Variants in PEX11G observed in about 807,000 individuals in gnomAD.
PEX11G encodes peroxisomal biogenesis factor 11 gamma.
A neutral mutation model predicts 22.5 loss-of-function variants in PEX11G; 20 were observed. The observed-to-expected ratio is 0.89, with a 90% CI of 0.62 to 1.29. The LOEUF is 1.29. Among genes scored for constraint, PEX11G ranks in the 50% most tolerant of loss-of-function variants. The probability of loss-of-function intolerance (pLI) is 0.00; values close to 1 mark genes in which losing one functional copy is unlikely to be tolerated. For synonymous variants in PEX11G, 141 were observed against 154.5 expected, an observed-to-expected ratio of 0.91 and a Z score of 0.65; for missense variants, 347 against 331.3, an observed-to-expected ratio of 1.05 and a Z score of -0.37.
chr19:7,477,681 G>C (rs904755588), intron 4 of PEX11G, among the ~76,000 whole-genome samples: 2 of 152,150 alleles, frequency 1.3e-5, no homozygotes, highest in African/African-American at 4.8e-5. Flanking sequence ...TCCTCGTCCT[G>C]AACACCCAGA....
At chr19:7,485,199 C>T (rs2021586382) in intron 2 of PEX11G, among the ~76,000 whole-genome samples, 2 of 152,138 alleles carry the variant, frequency 1.3e-5, no homozygotes, top group Non-Finnish European at 2.9e-5. Flanking sequence ...GATGGAGTCT[C>T]GCTCCATTGC....
chr19:7,490,800 C>T (rs1568385452), upstream of PEX11G, among the ~76,000 whole-genome samples: 1 of 151,066 alleles, frequency 6.6e-6, no homozygotes, highest in Non-Finnish European at 1.5e-5. Flanking sequence ...GTAGCTTGAC[C>T]AACTACCCAC....
intron 1 of PEX11G, 102 bp downstream of exon 1, chr19:7,488,849 C>T: frequency 1.6e-6 from 2 of 1,223,468 alleles, no homozygotes; most frequent in Non-Finnish European, 1.2e-6. Flanking sequence ...GCCTCTGCGA[C>T]GGAGTATCCT....
In PEX11G at chr19:7,478,319, G is replaced by T. The variant is rs1456999505; in HGVS notation, c.486C>A (p.Phe162Leu). ...RQRLRSPTAP[F>L]TSPLPRGKRR... ...GGGTGATCACGGGCTCCTACCTGGT[G>T]AAGGGCGCCGTGGGGCTCCGCAGCC... Residue 162 changes from phenylalanine (F) to leucine (L), a missense_variant, in exon 4 of 5, where the codon TTC becomes TTA. Transcript: ENST00000221480. The T allele has an allele frequency of 6.2e-7, 1 of 1,611,016 alleles. No individual in the cohort carries two copies. The highest frequency in any genetic ancestry group is 8.5e-7 in the Non-Finnish European group (1 of 1,179,538).
At chr19:7,485,228 G>A (rs1215606191) in intron 2 of PEX11G, among the ~76,000 whole-genome samples, 1 of 152,182 alleles carries the variant, frequency 6.6e-6, no homozygotes, top group East Asian at 1.9e-4. Flanking sequence ...CCAGTGCAGT[G>A]GCACAATTCT....
rs1486713392 is a variant in PEX11G at position 7,476,970 on chromosome 19, C to T, written c.*232G>A. On this transcript the variant is annotated 3_prime_UTR_variant, in exon 5 of 5. Transcript: ENST00000221480. Reference sequence around the variant, plus strand: ...TCTTGATTTGGATACAAGACGCCAGCTGGCAGGCAGGAGGTGCTGCTGAAG... The same window carrying T: ...TCTTGATTTGGATACAAGACGCCAGTTGGCAGGCAGGAGGTGCTGCTGAAG... 4.8e-6 allele frequency: 2 copies of T among 413,118 alleles called. No homozygotes were observed. Among genetic ancestry groups the T allele is most frequent in the Admixed American group, 4.2e-5 (1 of 23,618 alleles). 25.6% of individuals were successfully genotyped at this position (413,118 alleles called of 1,614,324 possible). A position where few individuals can be genotyped will look rare whatever the true frequency, so the allele number is the denominator to read the frequency against.
chr19:7,494,209 G>A (rs1047271943), intron 1 of PEX11G, among the ~76,000 whole-genome samples: 3 of 152,066 alleles, frequency 2.0e-5, no homozygotes, highest in South Asian at 2.1e-4. Context: ...GCCCAGCCAC[G>A]GGGTCACTGT....
At chr19:7,484,084 G>A (rs978870348) in intron 2 of PEX11G, among the ~76,000 whole-genome samples, 2 of 152,194 alleles carry the variant, frequency 1.3e-5, no homozygotes, top group African/African-American at 4.8e-5. Flanking sequence ...GGCCAGGCGC[G>A]GTGGCTCACG....
Position 7,487,291 on chromosome 19 carries a change from A to G in PEX11G, c.61-1265T>C, listed in dbSNP as rs78099080. Among the ~76,000 whole-genome samples, 109 of 152,312 alleles carry G rather than the reference A, an allele frequency of 7.2e-4. 2 individuals carry two copies. The Middle Eastern group carries it at 0.01, about 14-fold the overall frequency. ...TACCTGCCTGGACCAAAGCCTTTGG[A>G]TGTGCTGAATGGTGGGCACAGGTGA... On this transcript the variant is annotated intron_variant, in intron 1 of 4. Transcript: ENST00000221480.
At chr19:7,489,117 G>T, upstream of PEX11G, 1 of 1,310,424 alleles carries the variant, frequency 7.6e-7, no homozygotes, top group Non-Finnish European at 9.9e-7. Context: ...GCGGCCGCAG[G>T]CCTTTGTCCC....
chr19:7,489,234 T>C, upstream of PEX11G: 1 of 1,210,578 alleles, frequency 8.3e-7, no homozygotes, highest in Non-Finnish European at 1.0e-6. Flanking sequence ...CCTCGGAGTT[T>C]GCTGCATTCT....
chr19:7,478,249 C>A, intron 4 of PEX11G, 65 bp downstream of exon 4: 1 of 1,545,182 alleles, frequency 6.5e-7, no homozygotes, highest in Non-Finnish European at 8.8e-7. Context: ...GGGGTGGCTG[C>A]GAGCCGGGAT....
intron 2 of PEX11G, among the ~76,000 whole-genome samples, chr19:7,483,040 C>T (rs1033687212): frequency 2.6e-5 from 4 of 152,164 alleles, no homozygotes; most frequent in Non-Finnish European, 4.4e-5. Flanking sequence ...GGGACTGGAG[C>T]CCCGCAGCCA....
At chr19:7,479,576 A>C (rs528981865) in intron 3 of PEX11G, among the ~76,000 whole-genome samples, 63 of 152,366 alleles carry the variant, frequency 4.1e-4, no homozygotes, top group African/African-American at 1.5e-3. Flanking sequence ...GCCTTAGGGC[A>C]GATGTCTGGT....
chr19:7,484,669 G>A (rs982288538), intron 2 of PEX11G, among the ~76,000 whole-genome samples: 3 of 151,552 alleles, frequency 2.0e-5, no homozygotes, highest in Non-Finnish European at 4.4e-5. Flanking sequence ...GCTACGTGAG[G>A]GGCTGAGGCA....
Position 7,486,043 on chromosome 19 carries a change from GCAGT to G in PEX11G, c.61-21_61-18del, listed in dbSNP as rs776136986. 1.3e-6 allele frequency: 2 copies of G among 1,573,092 alleles called. No individual in the cohort carries two copies. Among genetic ancestry groups the G allele is most frequent in the Non-Finnish European group, 1.7e-6 (2 of 1,152,430 alleles). On this transcript the variant is annotated intron_variant, in intron 1 of 4. Transcript: ENST00000221480. ...CACTCGGATCTGTGGGAAACCAGAA[GCAGT>G]CAGTGTGGCCCTCCTGTTCTGCAGA...
At chr19:7,490,602 G>A (rs1242825124), upstream of PEX11G, among the ~76,000 whole-genome samples, 1 of 142,218 alleles carries the variant, frequency 7.0e-6, no homozygotes, top group African/African-American at 2.6e-5. Context: ...GCCTCCCAAA[G>A]TGCTAGGATT....
chr19:7,485,101 G>A (rs919383450), intron 2 of PEX11G, among the ~76,000 whole-genome samples: 1 of 152,152 alleles, frequency 6.6e-6, no homozygotes, highest in African/African-American at 2.4e-5. Flanking sequence ...AGGCTGCAGT[G>A]AGCTATGGTC....
At chr19:7,492,755 G>A (rs2021913028), upstream of PEX11G, among the ~76,000 whole-genome samples, 1 of 152,138 alleles carries the variant, frequency 6.6e-6, no homozygotes, top group Non-Finnish European at 1.5e-5. Flanking sequence ...ATGTTAACCA[G>A]TTTTCTTTCA....
Sources: allele counts gnomAD v4.1 joint callset (sites outside exome capture counted in the v4.1 genomes callset), GRCh38; gene constraint gnomAD v4.1.1; transcripts MANE v1.5; gene names NCBI Gene and HGNC (gene_info 2026-07-23, HGNC 2026-07-21).